Variants in CPXM2 observed in about 807,000 individuals in gnomAD.
The protein encoded by CPXM2 is carboxypeptidase X, M14 family member 2.
A neutral mutation model predicts 86.1 loss-of-function variants in CPXM2; 66 were observed. That is an observed-to-expected ratio of 0.77 (90% CI 0.63 to 0.94). The LOEUF is 0.94. Ranked by LOEUF, CPXM2 falls within the 40% of genes least tolerant of loss-of-function variation. The probability of loss-of-function intolerance (pLI) is 0.00; values close to 1 mark genes in which losing one functional copy is unlikely to be tolerated. For missense variants in CPXM2, 948 were observed against 1,026.3 expected (o/e 0.92, Z 1.04); for synonymous variants, 388 against 400.2 (o/e 0.97, Z 0.36).
chr10:123,803,462 AT>A (rs1439794246), intron 4 of CPXM2, among the ~76,000 whole-genome samples: 2 of 151,170 alleles, frequency 1.3e-5, no homozygotes, highest in Non-Finnish European at 3.0e-5. Flanking sequence ...AATCTTAGCC[AT>A]TTTTTTCTTT....
At chr10:123,866,414 A>ATTTTGTATTTTTT (rs1848982001) in intron 2 of CPXM2, among the ~76,000 whole-genome samples, 1 of 152,018 alleles carries the variant, frequency 6.6e-6, no homozygotes, top group African/African-American at 2.4e-5. Flanking sequence ...AAAATACAAA[A>ATTTTGTATTTTTT]AATCAGCCAG....
At chr10:123,795,367 C>G (rs994520801) in intron 6 of CPXM2, among the ~76,000 whole-genome samples, 2 of 152,086 alleles carry the variant, frequency 1.3e-5, no homozygotes, top group Non-Finnish European at 2.9e-5. Flanking sequence ...AGCACCAGCA[C>G]CCTCATCCGC....
At chr10:123,777,417 C>T (rs1846819013) in intron 7 of CPXM2, 1 of 152,604 alleles carries the variant, frequency 6.6e-6, no homozygotes, top group Admixed American at 6.5e-5. Context: ...CTCTCCCCAA[C>T]TCACTCCAAC....
chr10:123,915,742 A>G (rs1945529549), intron 2 of CPXM2, among the ~76,000 whole-genome samples: 1 of 152,132 alleles, frequency 6.6e-6, no homozygotes, highest in Non-Finnish European at 1.5e-5. Context: ...GAGTTGGTCA[A>G]TAGTGCGCAT....
intron 3 of CPXM2, among the ~76,000 whole-genome samples, chr10:123,845,710 A>C (rs529667789): frequency 3.6e-4 from 55 of 152,296 alleles, no homozygotes; most frequent in Middle Eastern, 6.8e-3. Context: ...AGTCTTCAAA[A>C]CATGTAAGAA....
At chr10:123,770,135 A>G (rs1463359886) in intron 8 of CPXM2, among the ~76,000 whole-genome samples, 3 of 152,116 alleles carry the variant, frequency 2.0e-5, no homozygotes, top group Non-Finnish European at 4.4e-5. Flanking sequence ...TTAGCTGGGT[A>G]TGGTGGCACA....
chr10:123,919,449 G>T (rs574474448), intron 2 of CPXM2, among the ~76,000 whole-genome samples: 2 of 152,024 alleles, frequency 1.3e-5, no homozygotes, highest in South Asian at 4.2e-4. Context: ...CCAGATTTTG[G>T]CATTATCAGA....
At chr10:123,801,263 G>GT (rs2134073166) in intron 4 of CPXM2, among the ~76,000 whole-genome samples, 1 of 152,294 alleles carries the variant, frequency 6.6e-6, no homozygotes, top group East Asian at 1.9e-4. Context: ...GTAAAGGGCA[G>GT]TTTCCCTGCA....
Position 123,831,467 on chromosome 10 carries a change from T to C in CPXM2, c.653+10882A>G, listed in dbSNP as rs1450538806. Among the ~76,000 whole-genome samples, 5 of 152,252 alleles carry C rather than the reference T, an allele frequency of 3.3e-5. No homozygotes were observed. In the South Asian group the frequency reaches 1.0e-3, roughly 31 times the overall value. ...TGGTCAAGTCATTTGAGGACTTTCA[T>C]GTGCCCTCGGCACTTTGCCTTTTGT... On this transcript the variant is annotated intron_variant, in intron 4 of 13. Transcript: ENST00000241305.
chr10:123,830,870 CTCTGTGTGTGTG>C (rs1216731738), intron 4 of CPXM2, among the ~76,000 whole-genome samples: 2 of 102,598 alleles, frequency 1.9e-5, no homozygotes, highest in Admixed American at 9.2e-5. Context: ...CTCTCTCTCT[CTCTGTGTGTGTG>C]TGTGTGTGTG....
chr10:123,756,931 T>C (rs1589964199), intron 12 of CPXM2, among the ~76,000 whole-genome samples: 3 of 152,182 alleles, frequency 2.0e-5, no homozygotes, highest in Non-Finnish European at 4.4e-5. Context: ...CCTGGGCACA[T>C]TGGCTCAAAC....
intron 13 of CPXM2, chr10:123,751,872 T>C (rs1352106022): frequency 6.1e-6 from 6 of 985,300 alleles, no homozygotes; most frequent in South Asian, 4.7e-5. Context: ...GAGGGGAAAA[T>C]CAAGGGAGGG....
chr10:123,815,129 T>A (rs1847787241), intron 4 of CPXM2, among the ~76,000 whole-genome samples: 1 of 152,160 alleles, frequency 6.6e-6, no homozygotes, highest in Non-Finnish European at 1.5e-5. Context: ...CCTTTGACCA[T>A]ATGTGGAGAA....
At chr10:123,817,148 G>A (rs908937868) in intron 4 of CPXM2, among the ~76,000 whole-genome samples, 2 of 152,136 alleles carry the variant, frequency 1.3e-5, no homozygotes, top group Admixed American at 1.3e-4. Flanking sequence ...TTCCTCATTT[G>A]GGTGTGTTAC....
intron 6 of CPXM2, among the ~76,000 whole-genome samples, chr10:123,784,448 A>T (rs954436993): frequency 6.6e-6 from 1 of 151,944 alleles, no homozygotes; most frequent in Non-Finnish European, 1.5e-5. Flanking sequence ...CCTGCCCTAA[A>T]CATCTCTGCC....
chr10:123,907,137 G>A (rs1945450075), intron 2 of CPXM2, among the ~76,000 whole-genome samples: 1 of 152,216 alleles, frequency 6.6e-6, no homozygotes, highest in Non-Finnish European at 1.5e-5. Context: ...TCAGCACCGA[G>A]TGTTTACGAG....
At chr10:123,857,611 TGGAGATGGAAGGCGGC>T (rs1848758109) in intron 3 of CPXM2, among the ~76,000 whole-genome samples, 2 of 135,456 alleles carry the variant, frequency 1.5e-5, no homozygotes, top group African/African-American at 2.7e-5. Context: ...GAAGGCGGCG[TGGAGATGGAAGGCGGC>T]GTGGAGATGG....
At chr10:123,933,807 G>A (rs1945690105) in intron 2 of CPXM2, among the ~76,000 whole-genome samples, 1 of 152,040 alleles carries the variant, frequency 6.6e-6, no homozygotes, top group Non-Finnish European at 1.5e-5. Context: ...GGCCACAGGA[G>A]GCCATCATAC....
rs1483122632 is a variant in CPXM2, at chr10:123,883,285, C to A, written c.305-2976G>T. ...ATGGGGCTGAGACAGCAGGCAGGGG[C>A]CCAGCACCTTCGCTGGGGAGGAGGC... On this transcript the variant is annotated intron_variant, in intron 1 of 13. Transcript: ENST00000241305. Among the ~76,000 whole-genome samples, 5 of 152,326 alleles carry A rather than the reference C, an allele frequency of 3.3e-5. No homozygotes were observed. In the East Asian group the frequency reaches 9.6e-4, roughly 29 times the overall value.
Sources: gnomAD v4.1 joint callset for allele counts (sites outside exome capture counted in the v4.1 genomes callset) on GRCh38, gnomAD v4.1.1 for gene constraint, MANE v1.5 for transcripts, NCBI Gene and HGNC (gene_info 2026-07-23, HGNC 2026-07-21) for gene names.